Variants in FNIP1 observed in about 807,000 individuals in gnomAD.
The protein encoded by FNIP1 is folliculin-interacting protein 1.
A neutral mutation model predicts 124.5 loss-of-function variants in FNIP1; 40 were observed. That is an observed-to-expected ratio of 0.32 (90% confidence interval 0.25 to 0.42). FNIP1 has a LOEUF of 0.42. FNIP1 is among the 10% of genes least tolerant of loss of function. The pLI is 1.00. For synonymous variants in FNIP1, 472 were observed against 470.6 expected, an observed-to-expected ratio of 1.00 and a Z score of -0.04; for missense variants, 1,176 against 1,403.7, an observed-to-expected ratio of 0.84 and a Z score of 2.59.
At chr5:131,703,182 T>C (rs1293564368) in intron 10 of FNIP1, among the ~76,000 whole-genome samples, 1 of 152,246 alleles carries the variant, frequency 6.6e-6, no homozygotes, top group Non-Finnish European at 1.5e-5. Context: ...ATGATTAGTC[T>C]ACCAGCTAAT....
intron 1 of FNIP1, among the ~76,000 whole-genome samples, chr5:131,789,838 C>G (rs1173164963): frequency 6.6e-6 from 1 of 152,158 alleles, no homozygotes; most frequent in African/African-American, 2.4e-5. Flanking sequence ...ATCCTCAGGG[C>G]GAAGCCCTCC....
At chr5:131,702,212 T>G (rs139886640) in intron 10 of FNIP1, among the ~76,000 whole-genome samples, 31 of 152,342 alleles carry the variant, frequency 2.0e-4, no homozygotes, top group Non-Finnish European at 4.3e-4. Context: ...AGATAGGGAC[T>G]CACTCTGTTG....
At chr5:131,738,995 C>A (rs1206423139) in intron 2 of FNIP1, among the ~76,000 whole-genome samples, 1 of 151,646 alleles carries the variant, frequency 6.6e-6, no homozygotes, top group Non-Finnish European at 1.5e-5. Context: ...TTTATGTTTT[C>A]TGTAGAGACG....
At chr5:131,676,783 A>G (rs994077738) in intron 13 of FNIP1, among the ~76,000 whole-genome samples, 6 of 152,168 alleles carry the variant, frequency 3.9e-5, no homozygotes, top group African/African-American at 1.4e-4. Context: ...CTGTATGTCA[A>G]TTATAACTCA....
chr5:131,677,085 C>T (rs1270128830), intron 13 of FNIP1, among the ~76,000 whole-genome samples: 1 of 152,178 alleles, frequency 6.6e-6, no homozygotes, highest in African/African-American at 2.4e-5. Context: ...ATTTTTACAA[C>T]TTTTAAAGTA....
At chr5:131,692,603 C>G (rs1364232571) in intron 11 of FNIP1, among the ~76,000 whole-genome samples, 2 of 152,064 alleles carry the variant, frequency 1.3e-5, no homozygotes, top group Non-Finnish European at 2.9e-5. Flanking sequence ...CAACACAATA[C>G]TTAAGAATAA....
chr5:131,734,468 A>C (rs1269679306), intron 2 of FNIP1, among the ~76,000 whole-genome samples: 1 of 152,204 alleles, frequency 6.6e-6, no homozygotes, highest in Non-Finnish European at 1.5e-5. Context: ...ATGGGATCTA[A>C]TTAAACTAAA....
chr5:131,716,794 A>G (rs1769480391), intron 5 of FNIP1, 138 bp from the exon 6 acceptor site: 5 of 553,110 alleles, frequency 9.0e-6, no homozygotes, highest in Non-Finnish European at 1.6e-5. Context: ...ATAATCATTT[A>G]AATCAGAGGT....
chr5:131,796,723 C>T (rs1171990605), intron 1 of FNIP1, 107 bp downstream of exon 1: 16 of 1,059,564 alleles, frequency 1.5e-5, no homozygotes, highest in South Asian at 4.7e-5. Context: ...ATGCTGCTCT[C>T]GGCGCGGCGC....
In FNIP1 at chr5:131,647,089, C is replaced by T; in HGVS notation, c.3422+1G>A. On this transcript the variant is annotated splice_donor_variant, in intron 17 of 17. Coordinates refer to ENST00000510461, the MANE Select transcript of FNIP1 (RefSeq NM_133372.3). LOFTEE classifies it high-confidence loss of function. ...AGCCAAAAAAGAAACCATTAACATACCCCAGAACCACTCCCAGCTCCTTGA... is the reference window on the plus strand; with the variant it reads ...AGCCAAAAAAGAAACCATTAACATATCCCAGAACCACTCCCAGCTCCTTGA... 6.2e-7 allele frequency: 1 copy of T among 1,613,792 alleles called. No homozygotes were observed. The highest frequency in any genetic ancestry group is 8.5e-7 in the Non-Finnish European group (1 of 1,179,740).
At position 131,706,449 on chromosome 5, in the gene FNIP1, G is replaced by GCTGCGTCGC; in HGVS notation, c.867_875dup (p.Arg291_Ser292insArgArgArg). On this transcript the variant is annotated inframe_insertion, in exon 9 of 18. Transcript: ENST00000510461. ...CCCCATTTTCCAAACTTGTTGTTTG[G>GCTGCGTCGC]CTGCGTCGCCAACGTCGCTGGTAGC... 6.2e-7 allele frequency: 1 copy of GCTGCGTCGC among 1,613,178 alleles called. No individual in the cohort carries two copies. The highest frequency in any genetic ancestry group is 8.5e-7 in the Non-Finnish European group (1 of 1,179,554).
intron 17 of FNIP1, among the ~76,000 whole-genome samples, chr5:131,645,848 TA>T (rs1766865347): frequency 6.6e-6 from 1 of 152,166 alleles, no homozygotes; most frequent in Admixed American, 6.5e-5. Flanking sequence ...CAAGATATAG[TA>T]AAAGGCAAGT....
chr5:131,671,586 T>A lies in FNIP1; in HGVS notation c.2858A>T (p.His953Leu). Residue 953 changes from histidine (H) to leucine (L), a missense_variant, in exon 14 of 18, where the codon CAT (histidine) becomes CTT (leucine). Around this residue, in one of 2 missense-constraint regions of FNIP1, gnomAD observed 1,109 missense variants for 1,288.5 expected, o/e 0.86. Transcript: ENST00000510461. ...ACTGCTAACTTGTCTAGTCATATCATGACCTGTATCTTCACTTTCACTATC... is the reference window on the plus strand; with the variant it reads ...ACTGCTAACTTGTCTAGTCATATCAAGACCTGTATCTTCACTTTCACTATC... Reference protein sequence around the residue: ...LGDSESEDTGHDMTRQVSSYY... With the variant: ...LGDSESEDTGLDMTRQVSSYY... The A allele has an allele frequency of 6.2e-7, 1 of 1,613,880 alleles. No individual in the cohort carries two copies. Among genetic ancestry groups the A allele is most frequent in the Non-Finnish European group, 8.5e-7 (1 of 1,180,006 alleles).
At chr5:131,721,104 A>T (rs1355470844) in intron 3 of FNIP1, among the ~76,000 whole-genome samples, 1 of 152,236 alleles carries the variant, frequency 6.6e-6, no homozygotes, top group Non-Finnish European at 1.5e-5. Flanking sequence ...AGATGCATGG[A>T]TAAATGAAAT....
chr5:131,664,131 G>A (rs1767524098), intron 15 of FNIP1, among the ~76,000 whole-genome samples: 1 of 152,170 alleles, frequency 6.6e-6, no homozygotes, highest in South Asian at 2.1e-4. Context: ...TTTTCTGTAT[G>A]TTGAACACTG....
intron 1 of FNIP1, among the ~76,000 whole-genome samples, chr5:131,768,726 G>A (rs1363969182): frequency 6.6e-6 from 1 of 152,172 alleles, no homozygotes; most frequent in Non-Finnish European, 1.5e-5. Flanking sequence ...TTGAACCCGG[G>A]AGGCTGAGGT....
At chr5:131,712,657 A>G (rs900746215) in intron 6 of FNIP1, among the ~76,000 whole-genome samples, 8 of 152,138 alleles carry the variant, frequency 5.3e-5, no homozygotes, top group Admixed American at 2.0e-4. Flanking sequence ...TATTAGTGTA[A>G]TTTTTCAAGG....
At chr5:131,782,713 A>C (rs765848618) in intron 1 of FNIP1, among the ~76,000 whole-genome samples, 62 of 152,250 alleles carry the variant, frequency 4.1e-4, no homozygotes, top group Non-Finnish European at 6.3e-4. Context: ...TACCAATATT[A>C]ACAGGAGTTT....
chr5:131,751,520 T>C lies in FNIP1; in HGVS notation c.93-6830A>G, dbSNP rs1487684663. Among the ~76,000 whole-genome samples the C allele has an allele frequency of 2.7e-5, 4 of 149,850 alleles. No individual in the cohort carries two copies. The East Asian group carries it at 5.9e-4, about 22-fold the overall frequency. On this transcript the variant is annotated intron_variant, in intron 1 of 17. Coordinates refer to ENST00000510461, the MANE Select transcript of FNIP1 (RefSeq NM_133372.3). Reference sequence around the variant, plus strand: ...GTAAAACTACATATCCCTAAGTAAATGTAATATCATAGGCACTAAATATTT... The same window carrying C: ...GTAAAACTACATATCCCTAAGTAAACGTAATATCATAGGCACTAAATATTT...
Sources: gnomAD v4.1 joint callset for allele counts (sites outside exome capture counted in the v4.1 genomes callset) on GRCh38, gnomAD v4.1.1 for gene constraint, gnomAD v4.1.1 regional missense constraint, MANE v1.5 for transcripts, NCBI Gene and HGNC (gene_info 2026-07-23, HGNC 2026-07-21) for gene names.